BRINP3: variants seen among roughly 807,000 people sequenced by gnomAD.
BRINP3 encodes the protein BMP/retinoic acid inducible neural specific 3.
Under a neutral mutation model 71.0 loss-of-function variants are expected in BRINP3, and 19 were observed. That is an observed-to-expected ratio of 0.27 (90% CI 0.19 to 0.39). BRINP3 has a LOEUF of 0.39. Ranked by LOEUF, BRINP3 falls within the 10% of genes least tolerant of loss-of-function variation. BRINP3 has a pLI of 1.00. For synonymous variants in BRINP3, 380 were observed against 337.7 expected, an observed-to-expected ratio of 1.13 and a Z score of -1.37; for missense variants, 959 against 940.8, an observed-to-expected ratio of 1.02 and a Z score of -0.25.
chr1:190,114,933 T>C (rs1653002475), intron 7 of BRINP3, among the ~76,000 whole-genome samples: 2 of 152,234 alleles, frequency 1.3e-5, no homozygotes, highest in Admixed American at 6.5e-5. Context: ...CTATTAATAA[T>C]ATTTTCTTAG....
intron 2 of BRINP3, among the ~76,000 whole-genome samples, chr1:190,358,645 A>T (rs1668908572): frequency 1.3e-5 from 2 of 152,190 alleles, no homozygotes; most frequent in Non-Finnish European, 2.9e-5. Flanking sequence ...CATTTGACCC[A>T]GCCATCCCAT....
chr1:190,158,664 AAATT>A (rs1220801778), intron 7 of BRINP3, among the ~76,000 whole-genome samples: 1 of 152,112 alleles, frequency 6.6e-6, no homozygotes, highest in Non-Finnish European at 1.5e-5. Context: ...GAAAATTCTC[AAATT>A]AATAACTTAA....
chr1:190,211,327 T>TCTG (rs1655971318), intron 6 of BRINP3, among the ~76,000 whole-genome samples: 1 of 152,114 alleles, frequency 6.6e-6, no homozygotes. Context: ...TCCTACAAGT[T>TCTG]CTGCCCCTCT....
chr1:190,133,165 T>C (rs1654680169), intron 7 of BRINP3, among the ~76,000 whole-genome samples: 1 of 152,090 alleles, frequency 6.6e-6, no homozygotes, highest in Non-Finnish European at 1.5e-5. Flanking sequence ...GGGAAATTTG[T>C]TTTGCAGCCA....
intron 2 of BRINP3, among the ~76,000 whole-genome samples, chr1:190,297,190 A>G (rs527647240): frequency 6.6e-6 from 1 of 152,106 alleles, no homozygotes; most frequent in Non-Finnish European, 1.5e-5. Flanking sequence ...ATAATATGGT[A>G]CTTGTATAAC....
At chr1:190,301,455 AG>A (rs1456899403) in intron 2 of BRINP3, among the ~76,000 whole-genome samples, 1 of 151,078 alleles carries the variant, frequency 6.6e-6, no homozygotes, top group African/African-American at 2.4e-5. Flanking sequence ...GAAAAGAAAA[AG>A]TTTTATATTT....
At position 190,248,211 on chromosome 1, in the gene BRINP3, T is replaced by C. The variant is rs148251803; in HGVS notation, c.619-13734A>G. Among the ~76,000 whole-genome samples the C allele has an allele frequency of 6.5e-3, 994 of 151,942 alleles. 6 individuals carry two copies. The highest frequency in any genetic ancestry group is 0.021 in the African/African-American group (886 of 41,510). On this transcript the variant is annotated intron_variant, in intron 4 of 7. Coordinates refer to ENST00000367462, the MANE Select transcript of BRINP3 (RefSeq NM_199051.3). ...ATTCGTGCAAACGTAATTGCGGTTT[T>C]TGCCATTACTTTTAATGGCAAAAAA... is the stretch of plus-strand genomic sequence containing the variant.
intron 2 of BRINP3, among the ~76,000 whole-genome samples, chr1:190,393,711 A>T (rs1671399067): frequency 6.6e-6 from 1 of 151,602 alleles, no homozygotes; most frequent in Non-Finnish European, 1.5e-5. Flanking sequence ...TATAGCTCTC[A>T]TCTCAGACTA....
At chr1:190,139,416 C>T (rs1655242001) in intron 7 of BRINP3, among the ~76,000 whole-genome samples, 1 of 137,420 alleles carries the variant, frequency 7.3e-6, no homozygotes, top group Non-Finnish European at 1.5e-5. Context: ...CTCACCACTG[C>T]ACTCCAGCCT....
chr1:190,192,820 C>A (rs1331995755), intron 6 of BRINP3, among the ~76,000 whole-genome samples: 1 of 152,020 alleles, frequency 6.6e-6, no homozygotes, highest in East Asian at 1.9e-4. Flanking sequence ...GGCTTTGATT[C>A]ACATGAGGAA....
chr1:190,240,872 CAAAAAAAAAAAAAA>C (rs71123078), intron 4 of BRINP3, among the ~76,000 whole-genome samples: 885 of 38,306 alleles, frequency 0.023, 23 homozygotes, highest in African/African-American at 0.091. Flanking sequence ...AACTCTGTCT[CAAAAAAAAAAAAAA>C]AAAAAAAAAA....
intron 2 of BRINP3, among the ~76,000 whole-genome samples, chr1:190,285,724 GT>G (rs1189034067): frequency 4.7e-5 from 7 of 147,426 alleles, no homozygotes; most frequent in East Asian, 2.0e-4. Flanking sequence ...GTGAGGGTTT[GT>G]TTTTTTTTTC....
chr1:190,425,964 C>T (rs986269429), intron 2 of BRINP3, among the ~76,000 whole-genome samples: 37 of 151,516 alleles, frequency 2.4e-4, no homozygotes, highest in African/African-American at 9.0e-4. Flanking sequence ...TTTTAATCAG[C>T]AAAAATTTAA....
chr1:190,345,215 C>T (rs1558201190), intron 2 of BRINP3, among the ~76,000 whole-genome samples: 1 of 151,700 alleles, frequency 6.6e-6, no homozygotes, highest in Non-Finnish European at 1.5e-5. Flanking sequence ...CCATTCATAA[C>T]CAGTTGTGCA....
chr1:190,401,524 T>G (rs72731142), intron 2 of BRINP3, among the ~76,000 whole-genome samples: 26,193 of 151,954 alleles, frequency 0.17, 2,383 homozygotes, highest in East Asian at 0.22. Context: ...CATGAGCTAG[T>G]AAGGAGAGCA....
intron 2 of BRINP3, among the ~76,000 whole-genome samples, chr1:190,444,857 T>C (rs887012906): frequency 5.9e-5 from 9 of 152,128 alleles, no homozygotes; most frequent in African/African-American, 1.4e-4. Flanking sequence ...CTTTTTATAT[T>C]GCCTTTGTTT....
rs377595300 is a variant in BRINP3 at position 190,177,394 on chromosome 1, G to A, written c.962-16504C>T. Among the ~76,000 whole-genome samples the A allele has an allele frequency of 9.8e-4, 140 of 142,826 alleles. 4 individuals are homozygous for A. In the South Asian group the frequency reaches 0.031, roughly 32 times the overall value. The allele number at this position is 142,826 out of a possible 152,430, so 93.7% of individuals were successfully genotyped here. ...GGGGTTTCACCGTGTTAGCCAGGATGGTCTCGATCTCCTGACCTTGTGATC... is the reference window on the plus strand; with the variant it reads ...GGGGTTTCACCGTGTTAGCCAGGATAGTCTCGATCTCCTGACCTTGTGATC... On this transcript the variant is annotated intron_variant, in intron 6 of 7. Transcript: ENST00000367462.
At chr1:190,451,259 T>G (rs770857448) in intron 2 of BRINP3, among the ~76,000 whole-genome samples, 7 of 152,180 alleles carry the variant, frequency 4.6e-5, no homozygotes, top group Non-Finnish European at 1.0e-4. Flanking sequence ...TTTATGATAA[T>G]GAAAGTTGCC....
intron 2 of BRINP3, among the ~76,000 whole-genome samples, chr1:190,348,073 C>T (rs1668139405): frequency 6.6e-6 from 1 of 152,128 alleles, no homozygotes; most frequent in Non-Finnish European, 1.5e-5. Context: ...ACTCACTTCA[C>T]TTTTCCTTTA....
Sources: allele counts gnomAD v4.1 joint callset (sites outside exome capture counted in the v4.1 genomes callset), GRCh38; gene constraint gnomAD v4.1.1; transcripts MANE v1.5; gene names NCBI Gene and HGNC (gene_info 2026-07-23, HGNC 2026-07-21).